The following MICALL2 variants were observed in gnomAD, a reference collection of about 807,000 sequenced individuals.
MICALL2 encodes the protein MICAL like 2.
In MICALL2, 111 loss-of-function variants were observed where a neutral mutation model predicts 91.1. The ratio of observed to expected loss-of-function variants is 1.22; its 90% CI spans 1.04 to 1.43. The LOEUF (loss-of-function observed/expected upper bound fraction) is 1.43. Ranked by LOEUF, MICALL2 falls within the 40% of genes most tolerant of loss-of-function variation. The pLI is 0.00. For missense variants in MICALL2, 1,556 were observed against 1,236.0 expected (o/e 1.26, Z -3.88); for synonymous variants, 694 against 525.3 (o/e 1.32, Z -4.39).
chr7:1,451,796 C>T lies in MICALL2; in HGVS notation c.144-1508G>A, dbSNP rs890008323. ...ACAGGAAGGCTGGGCAGGTCTCAAA[C>T]GGAGAAGTGGGGGCCGAGACCCCTG... On this transcript the variant is annotated intron_variant, in intron 1 of 16. Coordinates refer to ENST00000297508, the MANE Select transcript of MICALL2 (RefSeq NM_182924.4). The surrounding 1 kb of genome is among the most constrained non-coding windows in gnomAD (Gnocchi z 4.5). Among the ~76,000 whole-genome samples the T allele has an allele frequency of 3.3e-5, 5 of 152,216 alleles. No individual in the cohort carries two copies. Among genetic ancestry groups the T allele is most frequent in the African/African-American group, 9.7e-5 (4 of 41,450 alleles).
chr7:1,456,266 G>T (rs1159339694), intron 1 of MICALL2, among the ~76,000 whole-genome samples: 2 of 147,314 alleles, frequency 1.4e-5, no homozygotes, highest in Admixed American at 6.7e-5. Flanking sequence ...ATTTAAAAAA[G>T]AAACAATATG....
At position 1,438,357 on chromosome 7, in the gene MICALL2, GAGA is replaced by G. The variant is rs780955538; in HGVS notation, c.2123-7_2123-5del. 10 of 1,599,776 alleles carry G rather than the reference GAGA, an allele frequency of 6.3e-6. No individual in the cohort carries two copies. Among genetic ancestry groups the G allele is most frequent in the Admixed American group, 5.1e-5 (3 of 58,462 alleles). ...TTGGCCGGGGACAAGGGTCTCCCTG[GAGA>G]AGGAGCAGGGTGAGCCTCTGGGACC... is the stretch of plus-strand genomic sequence containing the variant. On this transcript the variant is annotated splice_region_variant and splice_polypyrimidine_tract_variant and intron_variant, in intron 10 of 16. Transcript: ENST00000297508.
At chr7:1,440,728 G>A (rs748356640) in intron 7 of MICALL2, 44 bp from the exon 8 acceptor site, 6 of 1,525,396 alleles carry the variant, frequency 3.9e-6, no homozygotes, top group Middle Eastern at 1.7e-4. Context: ...AGGAGTGCTG[G>A]GAATGGGGTG....
intron 16 of MICALL2, 126 bp from the exon 17 acceptor site, chr7:1,434,798 C>T: frequency 9.6e-7 from 1 of 1,038,940 alleles, no homozygotes; most frequent in Non-Finnish European, 1.4e-6. Flanking sequence ...GGCCTCCGAG[C>T]CTGCAGGAAG....
chr7:1,436,120 T>C (rs1441016102), intron 15 of MICALL2, among the ~76,000 whole-genome samples: 2 of 150,588 alleles, frequency 1.3e-5, no homozygotes, highest in Admixed American at 1.3e-4. Context: ...CCAGTTACGG[T>C]GGCTCATGCC....
At chr7:1,453,892 T>C (rs1780922711) in intron 1 of MICALL2, among the ~76,000 whole-genome samples, 1 of 152,228 alleles carries the variant, frequency 6.6e-6, no homozygotes, top group South Asian at 2.1e-4. Context: ...CAGTAACTTA[T>C]TCTTTCAACA....
At position 1,446,715 on chromosome 7, in the gene MICALL2, G is replaced by A. The variant is rs143182298; in HGVS notation, c.639C>T (p.Phe213=). ...GTGCGGGCAGAGGGCAGCCCCACCT[G>A]AAGCAGCTCCGGTGGTAAAGCCTCC... ...ADGRLYHRSC[F]RCKQCSCTLH... Residue 213 remains phenylalanine (F), a splice_region_variant and synonymous_variant, in exon 5 of 17, where the codon TTC becomes TTT. Coordinates refer to ENST00000297508, the MANE Select transcript of MICALL2 (RefSeq NM_182924.4). 7.6e-4 allele frequency: 1,218 copies of A among 1,593,382 alleles called. No individual in the cohort carries two copies. Among genetic ancestry groups the A allele is most frequent in the Non-Finnish European group, 1.0e-3 (1,166 of 1,171,232 alleles).
At chr7:1,448,125 T>G in intron 3 of MICALL2, 1 of 248,850 alleles carries the variant, frequency 4.0e-6, no homozygotes, top group Non-Finnish European at 7.7e-6. Flanking sequence ...GCCGGGCCTG[T>G]CCCTCCCCTG....
intron 6 of MICALL2, among the ~76,000 whole-genome samples, 163 bp from the exon 7 acceptor site, chr7:1,442,647 G>A (rs145785807): frequency 1.0e-3 from 137 of 131,238 alleles, no homozygotes; most frequent in African/African-American, 3.5e-3. Flanking sequence ...CCACCATTGC[G>A]CCAGGCCACC....
intron 1 of MICALL2, among the ~76,000 whole-genome samples, chr7:1,454,791 T>G: frequency 6.6e-6 from 1 of 151,206 alleles, no homozygotes; most frequent in Non-Finnish European, 1.5e-5. Context: ...TCTGCGTGAG[T>G]CTCTCCCCTG....
intron 10 of MICALL2, 174 bp from the exon 11 acceptor site, chr7:1,438,527 G>A (rs1780098624): frequency 3.5e-6 from 5 of 1,434,690 alleles, no homozygotes; most frequent in Admixed American, 2.8e-5. Flanking sequence ...ACACCTGAGT[G>A]GCCTCCAGGC....
intron 4 of MICALL2, among the ~76,000 whole-genome samples, chr7:1,447,104 T>A (rs570584277): frequency 6.6e-6 from 1 of 152,172 alleles, no homozygotes; most frequent in Non-Finnish European, 1.5e-5. Context: ...CCTGCCCCAT[T>A]AGGGGCATGG....
At chr7:1,448,528 G>C in intron 3 of MICALL2, 92 bp downstream of exon 3, 3 of 1,267,032 alleles carry the variant, frequency 2.4e-6, no homozygotes, top group Non-Finnish European at 3.4e-6. Context: ...GGGGGGCTGG[G>C]CATGGACCCC....
intron 3 of MICALL2, chr7:1,448,143 C>A: frequency 4.0e-6 from 1 of 247,512 alleles, no homozygotes; most frequent in South Asian, 8.6e-5. Flanking sequence ...CTGCCCAGTT[C>A]TATCCGGGGG....
In MICALL2 at chr7:1,442,334, G is replaced by A. The variant is rs756452795; in HGVS notation, c.1569C>T (p.Ser523=). 5 of 1,613,204 alleles carry A rather than the reference G, an allele frequency of 3.1e-6. No homozygotes were observed. The highest frequency in any genetic ancestry group is 8.5e-7 in the Non-Finnish European group (1 of 1,179,872). ...RMEPPAPLST[S]STSQASALPP... ...GCAACGCGGATGCCTGAGAGGTACT[G>A]CTCGTGCTCAGCGGGGCTGGCGGTT... Residue 523 remains serine, a synonymous_variant, in exon 7 of 17, where the codon AGC becomes AGT. Coordinates refer to ENST00000297508, the MANE Select transcript of MICALL2 (RefSeq NM_182924.4).
In MICALL2 at chr7:1,442,223, C is replaced by T. The variant is rs753015623; in HGVS notation, c.1680G>A (p.Met560Ile). ...AGSRPKPEAP[M>I]AKGKSTTLTQ... ...TTAAGGTGGTGCTTTTACCCTTTGCCATCGGGGCCTCTGGCTTCGGCCTGG... is the reference window on the plus strand; with the variant it reads ...TTAAGGTGGTGCTTTTACCCTTTGCTATCGGGGCCTCTGGCTTCGGCCTGG... The change falls in exon 7 of 17, where the codon ATG (methionine) becomes ATA (isoleucine). Residue 560 changes from methionine to isoleucine, a missense_variant. By Grantham distance (10) the Met-to-Ile change is conservative (BLOSUM62 1). Coordinates refer to ENST00000297508, the MANE Select transcript of MICALL2 (RefSeq NM_182924.4). 1 of 1,612,798 alleles carries T rather than the reference C, an allele frequency of 6.2e-7. No individual in the cohort carries two copies.
At chr7:1,453,616 C>G (rs564124149) in intron 1 of MICALL2, among the ~76,000 whole-genome samples, 43 of 152,182 alleles carry the variant, frequency 2.8e-4, no homozygotes, top group Non-Finnish European at 7.4e-5. Flanking sequence ...AGCAAGTGAC[C>G]AGCTACCCAT....
chr7:1,449,972 T>G (rs1055727780), intron 2 of MICALL2, among the ~76,000 whole-genome samples: 1 of 151,946 alleles, frequency 6.6e-6, no homozygotes, highest in African/African-American at 2.4e-5. Context: ...TGAAGTAGGG[T>G]CCCCAGCCAC....
In MICALL2 at chr7:1,436,801, G is replaced by A. The variant is rs199958280; in HGVS notation, c.2532C>T (p.Tyr844=). 286 of 1,608,154 alleles carry A rather than the reference G, an allele frequency of 1.8e-4. No individual in the cohort carries two copies. The highest frequency in any genetic ancestry group is 2.3e-4 in the Non-Finnish European group (268 of 1,178,508). The change falls in exon 15 of 17, where the codon TAC becomes TAT. Residue 844 remains tyrosine (Y), a synonymous_variant. Coordinates refer to ENST00000297508, the MANE Select transcript of MICALL2 (RefSeq NM_182924.4). ...RRREQELLEQ[Y]VSTVNDRSDI... is the part of the protein sequence containing the mutation. ...CACTGCGGTCGTTCACGGTGCTCAC[G>A]TACTGCTCCAGCAGCTCCTGCTCCC...
Sources: allele counts gnomAD v4.1 joint callset (sites outside exome capture counted in the v4.1 genomes callset), GRCh38; gene constraint gnomAD v4.1.1; non-coding constraint Gnocchi (gnomAD v3.1); transcripts MANE v1.5; gene names NCBI Gene and HGNC (gene_info 2026-07-23, HGNC 2026-07-21).